The following PRKCA variants were observed in gnomAD, a reference collection of about 807,000 sequenced individuals.
The protein encoded by PRKCA is protein kinase C alpha type.
Under a neutral mutation model 87.0 loss-of-function variants are expected in PRKCA, and 27 were observed. The observed-to-expected ratio is 0.31, with a 90% CI of 0.23 to 0.43. The LOEUF (loss-of-function observed/expected upper bound fraction) is 0.43, where lower values mean the gene tolerates loss of function less well. PRKCA is among the 20% of genes least tolerant of loss of function. The pLI is 1.00. For missense variants in PRKCA, 518 were observed against 852.3 expected (o/e 0.61, Z 4.88); for synonymous variants, 329 against 311.1 (o/e 1.06, Z -0.61).
intron 13 of PRKCA, among the ~76,000 whole-genome samples, chr17:66,750,989 T>C (rs985850122): frequency 6.6e-6 from 1 of 152,220 alleles, no homozygotes; most frequent in Non-Finnish European, 1.5e-5. Context: ...GGCCTGTTAT[T>C]GGCTTTCAGA....
At chr17:66,348,406 C>A (rs1954020474) in intron 2 of PRKCA, among the ~76,000 whole-genome samples, 1 of 152,148 alleles carries the variant, frequency 6.6e-6, no homozygotes, top group African/African-American at 2.4e-5. Context: ...TGTCACACCA[C>A]CATTGCTCTT....
chr17:66,801,276 T>C (rs911193099), intron 16 of PRKCA, among the ~76,000 whole-genome samples: 2 of 152,300 alleles, frequency 1.3e-5, no homozygotes, highest in East Asian at 3.9e-4. Flanking sequence ...AGCCAGTCAT[T>C]CTTTGGGGCG....
intron 13 of PRKCA, among the ~76,000 whole-genome samples, chr17:66,746,317 A>G (rs1974284332): frequency 6.6e-6 from 1 of 151,864 alleles, no homozygotes; most frequent in Non-Finnish European, 1.5e-5. Context: ...ACCTGTGCCT[A>G]GCCTGTTCCA....
intron 2 of PRKCA, among the ~76,000 whole-genome samples, chr17:66,376,943 A>G (rs1909454884): frequency 6.6e-6 from 1 of 152,180 alleles, no homozygotes; most frequent in African/African-American, 2.4e-5. Context: ...GGCAGAGAAG[A>G]TGCTGGAAAC....
intron 2 of PRKCA, among the ~76,000 whole-genome samples, chr17:66,478,260 T>C (rs915307326): frequency 1.1e-4 from 17 of 152,140 alleles, no homozygotes; most frequent in Non-Finnish European, 1.9e-4. Context: ...GTTTATTTTA[T>C]TTTATTTTTT....
intron 2 of PRKCA, among the ~76,000 whole-genome samples, chr17:66,475,313 TCTC>T (rs1915492923): frequency 6.6e-6 from 1 of 152,082 alleles, no homozygotes; most frequent in Non-Finnish European, 1.5e-5. Flanking sequence ...TGCAGTCTCT[TCTC>T]CTAGTAGCTC....
Position 66,310,829 on chromosome 17 carries a change from G to C in PRKCA, c.205+4702G>C, listed in dbSNP as rs144469972. Among the ~76,000 whole-genome samples the C allele has an allele frequency of 2.5e-3, 376 of 152,248 alleles. 3 individuals are homozygous for C. Among genetic ancestry groups the C allele is most frequent in the African/African-American group, 8.8e-3 (366 of 41,536 alleles). On this transcript the variant is annotated intron_variant, in intron 2 of 16. Transcript: ENST00000413366. ...ATGCGCCGTTGTCCTCATCCGCCAC[G>C]GTGTTCTGAGAGCTGAGTTGTATGG...
intron 2 of PRKCA, among the ~76,000 whole-genome samples, chr17:66,418,595 C>A (rs1912303200): frequency 1.3e-5 from 2 of 151,980 alleles, no homozygotes; most frequent in African/African-American, 4.8e-5. Flanking sequence ...TGTCACCACG[C>A]CTGGCTAATT....
intron 3 of PRKCA, among the ~76,000 whole-genome samples, chr17:66,496,559 TCACAAA>T (rs1174419378): frequency 6.6e-6 from 1 of 152,194 alleles, no homozygotes; most frequent in Non-Finnish European, 1.5e-5. Flanking sequence ...GTAATAGCTT[TCACAAA>T]CACAATGCAG....
At chr17:66,394,132 T>G (rs532802729) in intron 2 of PRKCA, among the ~76,000 whole-genome samples, 3 of 152,254 alleles carry the variant, frequency 2.0e-5, no homozygotes, top group African/African-American at 4.8e-5. Context: ...GGAGAAGCCT[T>G]AGAAAAGGCA....
rs368420752 is a variant in PRKCA at position 66,649,109 on chromosome 17, AAAAG to A, written c.529+3610_529+3613del. Reference sequence around the variant, plus strand: ...CGAGAGTCCATCTCAAAAAAAAAAAAAAAGAAAGAAAGAAAAAATAGGTACCCGC... The same window carrying A: ...CGAGAGTCCATCTCAAAAAAAAAAAAAAAGAAAGAAAAAATAGGTACCCGC... On this transcript the variant is annotated intron_variant, in intron 5 of 16. Coordinates refer to ENST00000413366, the MANE Select transcript of PRKCA (RefSeq NM_002737.3). Among the ~76,000 whole-genome samples, 132 of 152,082 alleles carry A rather than the reference AAAAG, an allele frequency of 8.7e-4. No individual in the cohort carries two copies. In the East Asian group the frequency reaches 0.015, roughly 18 times the overall value.
chr17:66,803,248 G>T lies in PRKCA; in HGVS notation c.1855-625G>T, dbSNP rs925959092. Among the ~76,000 whole-genome samples, 1 of 152,094 alleles carries T rather than the reference G, an allele frequency of 6.6e-6. No homozygotes were observed. The highest frequency in any genetic ancestry group is 1.5e-5 in the Non-Finnish European group (1 of 68,012). On this transcript the variant is annotated intron_variant, in intron 16 of 16. Transcript: ENST00000413366. This position sits in a 1 kb window ranked among gnomAD's most constrained non-coding sequence, Gnocchi z 4.4. ...CTCCAGTCAGTCACCCAGCCTGCCC[G>T]CTGGCCAGCTCTGTCTAGGTGTGCT...
At chr17:66,342,767 A>T (rs1907122354) in intron 2 of PRKCA, among the ~76,000 whole-genome samples, 1 of 152,224 alleles carries the variant, frequency 6.6e-6, no homozygotes, top group Non-Finnish European at 1.5e-5. Flanking sequence ...TCAGCTTTTT[A>T]AATATTTTCA....
intron 3 of PRKCA, among the ~76,000 whole-genome samples, chr17:66,616,064 T>C (rs917156825): frequency 2.0e-5 from 3 of 152,188 alleles, no homozygotes; most frequent in African/African-American, 7.2e-5. Context: ...AATCCCAGTT[T>C]CAGATTGCAG....
chr17:66,537,830 G>T (rs1482157509), intron 3 of PRKCA, among the ~76,000 whole-genome samples: 1 of 152,144 alleles, frequency 6.6e-6, no homozygotes, highest in Non-Finnish European at 1.5e-5. Context: ...TTGGGAGATG[G>T]AGTCTTGCTC....
chr17:66,612,977 T>A (rs1390688890), intron 3 of PRKCA, among the ~76,000 whole-genome samples: 3 of 152,252 alleles, frequency 2.0e-5, no homozygotes, highest in Non-Finnish European at 2.9e-5. Flanking sequence ...TAAACTTGAT[T>A]ATGTTAATTC....
chr17:66,510,483 A>G (rs8081563), intron 3 of PRKCA, among the ~76,000 whole-genome samples: 16,286 of 152,222 alleles, frequency 0.11, 2,738 homozygotes, highest in African/African-American at 0.36. Context: ...TAGGGTGATC[A>G]TCCTTGAAGT....
chr17:66,798,884 G>A (rs866761708), intron 16 of PRKCA, among the ~76,000 whole-genome samples: 3 of 49,098 alleles, frequency 6.1e-5, no homozygotes, highest in African/African-American at 1.7e-4. Flanking sequence ...GGTGATGGTG[G>A]TGGTGGTGGT....
intron 3 of PRKCA, among the ~76,000 whole-genome samples, chr17:66,565,516 G>A (rs1401153049): frequency 6.6e-6 from 1 of 152,166 alleles, no homozygotes; most frequent in Non-Finnish European, 1.5e-5. Context: ...CAATTATAAC[G>A]TGGGACTTTC....
Sources: gnomAD v4.1 joint callset for allele counts (sites outside exome capture counted in the v4.1 genomes callset) on GRCh38, gnomAD v4.1.1 for gene constraint, Gnocchi (gnomAD v3.1) non-coding constraint, MANE v1.5 for transcripts, NCBI Gene and HGNC (gene_info 2026-07-23, HGNC 2026-07-21) for gene names.